PPAT: variants seen among roughly 807,000 people sequenced by gnomAD.
PPAT encodes the protein phosphoribosyl pyrophosphate amidotransferase.
Under a neutral mutation model 60.2 loss-of-function variants are expected in PPAT, and 20 were observed. The observed-to-expected ratio is 0.33, with a 90% CI of 0.23 to 0.48. The LOEUF (loss-of-function observed/expected upper bound fraction) is 0.48, where lower values mean the gene tolerates loss of function less well. Ranked by LOEUF, PPAT falls within the 20% of genes least tolerant of loss-of-function variation. PPAT has a pLI of 0.99. For synonymous variants in PPAT, 194 were observed against 215.1 expected, an observed-to-expected ratio of 0.90 and a Z score of 0.86; for missense variants, 349 against 629.6, an observed-to-expected ratio of 0.55 and a Z score of 4.77.
At chr4:56,425,005 A>G (rs1014752174) in intron 1 of PPAT, among the ~76,000 whole-genome samples, 1 of 152,234 alleles carries the variant, frequency 6.6e-6, no homozygotes, top group African/African-American at 2.4e-5. Context: ...CCTAAAAATC[A>G]CAAGTGAAAT....
rs138412136 is a variant in PPAT at position 56,425,157 on chromosome 4, G to T, written c.128+10193C>A. ...GGAATCTACTGTTACCATCTCAAAG[G>T]GTACGCTAAGAATTATGTTTTCTTC... On this transcript the variant is annotated intron_variant, in intron 1 of 10. Coordinates refer to ENST00000264220, the MANE Select transcript of PPAT (RefSeq NM_002703.5). 2.6e-3 allele frequency among the ~76,000 whole-genome samples: 395 copies of T among 152,068 alleles called. 3 individuals carry two copies. Among genetic ancestry groups the T allele is most frequent in the African/African-American group, 9.1e-3 (378 of 41,476 alleles).
At chr4:56,402,709 G>A (rs910246990) in intron 5 of PPAT, among the ~76,000 whole-genome samples, 3 of 151,302 alleles carry the variant, frequency 2.0e-5, no homozygotes, top group African/African-American at 7.3e-5. Context: ...CCAGCTACTC[G>A]GGAGGCTGAG....
chr4:56,422,211 T>C (rs1447449364), intron 1 of PPAT: 1 of 152,134 alleles, frequency 6.6e-6, no homozygotes, highest in East Asian at 1.9e-4. Flanking sequence ...GAGGCAGAGG[T>C]TGCAGTAAGC....
At position 56,403,020 on chromosome 4, in the gene PPAT, T is replaced by A. The variant is rs776203932; in HGVS notation, c.661+20A>T. ...AATGGAAAAACACTATGAAATGATATTCCTTCTAAAGTTTATTACCTTTGT... is the reference window on the plus strand; with the variant it reads ...AATGGAAAAACACTATGAAATGATAATCCTTCTAAAGTTTATTACCTTTGT... On this transcript the variant is annotated intron_variant, in intron 5 of 10. Coordinates refer to ENST00000264220, the MANE Select transcript of PPAT (RefSeq NM_002703.5). 2.5e-6 allele frequency: 4 copies of A among 1,572,942 alleles called. No individual in the cohort carries two copies. The highest frequency in any genetic ancestry group is 3.4e-6 in the Non-Finnish European group (4 of 1,160,100).
rs1371331057 is a variant in PPAT at position 56,406,761 on chromosome 4, G to A, written c.196-60C>T. ...CAGACTAGTACTGCTAGTAATAAAC[G>A]CCTCTCTTCTCTGCCCAGCCAATCC... On this transcript the variant is annotated intron_variant, in intron 2 of 10. Transcript: ENST00000264220. 9 of 1,191,836 alleles carry A rather than the reference G, an allele frequency of 7.6e-6. No homozygotes were observed. The African/African-American group carries it at 7.6e-5, about 10-fold the overall frequency. 73.8% of individuals were successfully genotyped at this position (1,191,836 alleles called of 1,614,324 possible).
At chr4:56,424,453 A>G (rs1189573758) in intron 1 of PPAT, among the ~76,000 whole-genome samples, 1 of 152,206 alleles carries the variant, frequency 6.6e-6, no homozygotes, top group Non-Finnish European at 1.5e-5. Flanking sequence ...GATTCCATTC[A>G]GGGAAGAAAA....
chr4:56,434,067 C>T (rs1045305083), intron 1 of PPAT, among the ~76,000 whole-genome samples: 2 of 152,076 alleles, frequency 1.3e-5, no homozygotes, highest in Non-Finnish European at 1.5e-5. Context: ...CCTTGGATTA[C>T]GTAACTAATT....
At position 56,394,565 on chromosome 4, in the gene PPAT, T is replaced by C. The variant is rs781428819; in HGVS notation, c.*787A>G. On this transcript the variant is annotated 3_prime_UTR_variant, in exon 11 of 11. Transcript: ENST00000264220. ...CTATGGATCACATTTTCTAGTCAAA[T>C]GTAGGAAAAACTTTTTCACAGATTT... 6.6e-6 allele frequency: 1 copy of C among 152,202 alleles called. No homozygotes were observed. The highest frequency in any genetic ancestry group is 1.5e-5 in the Non-Finnish European group (1 of 68,026). The allele number at this position is 152,202 out of a possible 1,614,324, so 9.4% of individuals were successfully genotyped here.
chr4:56,404,034 T>C (rs1156718464), intron 3 of PPAT: 5 of 451,456 alleles, frequency 1.1e-5, no homozygotes, highest in Non-Finnish European at 2.2e-5. Flanking sequence ...CTGGTACTAG[T>C]CCCTAGCACA....
intron 1 of PPAT, among the ~76,000 whole-genome samples, chr4:56,429,330 G>T (rs1246821315): frequency 6.6e-6 from 1 of 152,028 alleles, no homozygotes; most frequent in Non-Finnish European, 1.5e-5. Context: ...AGTGATTGTT[G>T]CAATTATTGT....
At chr4:56,421,019 G>C (rs1363594411) in intron 1 of PPAT, 2 of 152,240 alleles carry the variant, frequency 1.3e-5, no homozygotes, top group Non-Finnish European at 2.9e-5. Context: ...GGGTTGCACA[G>C]CAGGAGGTGA....
Position 56,435,352 on chromosome 4 carries a change from G to C in PPAT, c.126C>G (p.His42Gln), listed in dbSNP as rs779886575. The part of the protein sequence containing the change: ...VITLGLVGLQ[H>Q]RGQESAGIVT... ...GCCACCCCCACCCTGTTGCTCACCG[G>C]TGCTGCAGCCCCACGAGTCCCAGAG... Residue 42 changes from histidine to glutamine, a missense_variant and splice_region_variant, in exon 1 of 11, where the codon CAC becomes CAG. Transcript: ENST00000264220. 1 of 1,613,692 alleles carries C rather than the reference G, an allele frequency of 6.2e-7. No homozygotes were observed. The highest frequency in any genetic ancestry group is 8.5e-7 in the Non-Finnish European group (1 of 1,179,748).
In PPAT at chr4:56,395,568, T is replaced by C. The variant is rs1476906723; in HGVS notation, c.1358-20A>G. The C allele has an allele frequency of 2.7e-5, 40 of 1,474,620 alleles. No individual in the cohort carries two copies. Among genetic ancestry groups the C allele is most frequent in the Non-Finnish European group, 3.6e-5 (40 of 1,113,942 alleles). 91.3% of individuals were successfully genotyped at this position (1,474,620 alleles called of 1,614,324 possible). Reference sequence around the variant, plus strand: ...TTGCTCCTAAAGAAAGAGGGAAAAATAAAAATGTAATAAGAATTCCTTTAG... The same window carrying C: ...TTGCTCCTAAAGAAAGAGGGAAAAACAAAAATGTAATAAGAATTCCTTTAG... On this transcript the variant is annotated intron_variant, in intron 10 of 10. Transcript: ENST00000264220.
intron 1 of PPAT, among the ~76,000 whole-genome samples, chr4:56,419,165 G>A (rs375041095): frequency 2.0e-5 from 3 of 152,054 alleles, no homozygotes; most frequent in South Asian, 2.1e-4. Context: ...ATAGCCAAAG[G>A]AAATCGTAAG....
In PPAT at chr4:56,396,567, C is replaced by A; in HGVS notation, c.1357+52G>T. 6.6e-7 allele frequency: 1 copy of A among 1,524,922 alleles called. No individual in the cohort carries two copies. The allele number at this position is 1,524,922 out of a possible 1,614,324, so 94.5% of individuals were successfully genotyped here. On this transcript the variant is annotated intron_variant, in intron 10 of 10. Coordinates refer to ENST00000264220, the MANE Select transcript of PPAT (RefSeq NM_002703.5). The surrounding 1 kb of genome is among the most constrained non-coding windows in gnomAD (Gnocchi z 4.6). ...TACTAAAGGTGTAAAGACTGTCAAG[C>A]TTTGGATTTTCTCTGTTAATAATCA...
At position 56,394,856 on chromosome 4, in the gene PPAT, A is replaced by ATTT. The variant is rs200547738; in HGVS notation, c.*495_*496insAAA. The ATTT allele has an allele frequency of 9.7e-6, 1 of 103,440 alleles. No homozygotes were observed. Among genetic ancestry groups the ATTT allele is most frequent in the Non-Finnish European group, 2.0e-5 (1 of 49,562 alleles). The allele number at this position is 103,440 out of a possible 1,614,324, so 6.4% of individuals were successfully genotyped here. A position where few individuals can be genotyped will look rare whatever the true frequency, so the allele number is the denominator to read the frequency against. On this transcript the variant is annotated 3_prime_UTR_variant, in exon 11 of 11. Coordinates refer to ENST00000264220, the MANE Select transcript of PPAT (RefSeq NM_002703.5). ...ACATGTGGGGAAACTGAGGCACCAG[A>ATTT]TTATTATTATTTTTTTTTAAAGATT...
chr4:56,403,687 A>T (rs1716174933), intron 3 of PPAT, among the ~76,000 whole-genome samples: 2 of 152,214 alleles, frequency 1.3e-5, no homozygotes, highest in African/African-American at 4.8e-5. Flanking sequence ...ATATATAATG[A>T]AATAATTATA....
intron 10 of PPAT, among the ~76,000 whole-genome samples, 164 bp from the exon 11 acceptor site, chr4:56,395,712 G>T: frequency 6.7e-6 from 1 of 150,214 alleles, no homozygotes. Flanking sequence ...ATAAAACTCA[G>T]TTCCTTTATT....
intron 1 of PPAT, among the ~76,000 whole-genome samples, chr4:56,433,738 A>G (rs1717735123): frequency 6.7e-6 from 1 of 148,226 alleles, no homozygotes; most frequent in South Asian, 2.1e-4. Flanking sequence ...TCTGTCGCCC[A>G]GGCTGGAGTG....
Sources: gnomAD v4.1 joint callset for allele counts (sites outside exome capture counted in the v4.1 genomes callset) on GRCh38, gnomAD v4.1.1 for gene constraint, Gnocchi (gnomAD v3.1) non-coding constraint, MANE v1.5 for transcripts, NCBI Gene and HGNC (gene_info 2026-07-23, HGNC 2026-07-21) for gene names.